Variants in CRK observed in about 807,000 individuals in gnomAD.
CRK encodes the protein CRK proto-oncogene, adaptor protein.
CRK carries 4 observed loss-of-function variants against 29.8 expected under a neutral mutation model. The ratio of observed to expected loss-of-function variants is 0.13; its 90% CI spans 0.07 to 0.31. CRK has a LOEUF of 0.31. Ranked by LOEUF, CRK falls within the 10% of genes least tolerant of loss-of-function variation. The probability of loss-of-function intolerance (pLI) is 1.00; values close to 1 mark genes in which losing one functional copy is unlikely to be tolerated. For missense variants in CRK, 274 were observed against 396.5 expected (o/e 0.69, Z 2.62); for synonymous variants, 153 against 164.9 (o/e 0.93, Z 0.55).
intron 2 of CRK, among the ~76,000 whole-genome samples, chr17:1,435,395 G>C (rs986162254): frequency 1.5e-4 from 23 of 151,122 alleles, no homozygotes; most frequent in Non-Finnish European, 1.6e-4. Context: ...TGCTAATAAA[G>C]TCTGTAATAA....
chr17:1,455,132 C>A (rs1403047115), intron 1 of CRK, among the ~76,000 whole-genome samples: 1 of 152,202 alleles, frequency 6.6e-6, no homozygotes, highest in Non-Finnish European at 1.5e-5. Context: ...CTTTCCTCCA[C>A]TAAACACTTT....
chr17:1,455,945 G>A lies in CRK; in HGVS notation c.173C>T (p.Ser58Phe), dbSNP rs1181134938. 1.2e-6 allele frequency: 2 copies of A among 1,601,684 alleles called. No individual in the cohort carries two copies. Among genetic ancestry groups the A allele is most frequent in the Non-Finnish European group, 1.7e-6 (2 of 1,175,642 alleles). The change falls in exon 1 of 3, where the codon TCC becomes TTC. Residue 58 changes from serine to phenylalanine, a missense_variant. By Grantham distance (155) the Ser-to-Phe change is radical (BLOSUM62 -2). Coordinates refer to ENST00000300574, the MANE Select transcript of CRK (RefSeq NM_016823.4). ...VLSVSENSRVSHYIINSSGPR... is the reference protein window; with the variant it reads ...VLSVSENSRVFHYIINSSGPR... Reference sequence around the variant, plus strand: ...GCCGCTGCTGTTGATGATGTAGTGGGAGACGCGCGAGTTCTCTGAGACGCT... The same window carrying A: ...GCCGCTGCTGTTGATGATGTAGTGGAAGACGCGCGAGTTCTCTGAGACGCT...
chr17:1,424,067 GTTTTTTTTTTTTT>G (rs58338503), intron 2 of CRK, among the ~76,000 whole-genome samples: 8 of 109,828 alleles, frequency 7.3e-5, no homozygotes, highest in Middle Eastern at 5.7e-3. Context: ...AGCTTTCTCC[GTTTTTTTTTTTTT>G]TTTTTTTTGA....
intron 1 of CRK, among the ~76,000 whole-genome samples, chr17:1,449,403 A>C (rs1439527729): frequency 6.6e-6 from 1 of 152,182 alleles, no homozygotes; most frequent in Non-Finnish European, 1.5e-5. Context: ...TGTTATTAAG[A>C]TTCGTATACA....
rs772172253 is a variant in CRK at position 1,436,815 on chromosome 17, G to A, written c.582C>T (p.Ser194=). ...VPYVEKYRPA[S]ASVSALIGGN... ...CTCCAATCAGAGCCGATACTGAGGC[G>A]GAGGCAGGTCTATACTTCTCGACGT... Residue 194 remains serine (S), a synonymous_variant, in exon 2 of 3, where the codon TCC becomes TCT. Transcript: ENST00000300574. 3.9e-5 allele frequency: 62 copies of A among 1,583,412 alleles called. No homozygotes were observed. The highest frequency in any genetic ancestry group is 6.7e-5 in the East Asian group (3 of 44,700).
intron 1 of CRK, among the ~76,000 whole-genome samples, chr17:1,448,639 A>G (rs2073994078): frequency 2.0e-5 from 1 of 50,916 alleles, no homozygotes; most frequent in African/African-American, 5.4e-5. Flanking sequence ...AAAAAAAAAA[A>G]AAAGAAAAAG....
chr17:1,445,016 C>T (rs1291495653), intron 1 of CRK, among the ~76,000 whole-genome samples: 6 of 151,456 alleles, frequency 4.0e-5, no homozygotes, highest in Non-Finnish European at 7.4e-5. Context: ...GGCATGGTGG[C>T]GGGCGCCTGT....
rs755346429 is a variant in CRK, at chr17:1,423,669, GA to G, written c.778-20del. On this transcript the variant is annotated intron_variant, in intron 2 of 2. Transcript: ENST00000300574. Reference sequence around the variant, plus strand: ...CACCGACCTGCAGGAGGAGAATAAGGAGAGCACTTTATTTCCAGGTAGGAAT... The same window carrying G: ...CACCGACCTGCAGGAGGAGAATAAGGGAGCACTTTATTTCCAGGTAGGAAT... The G allele has an allele frequency of 1.2e-6, 2 of 1,612,822 alleles. No homozygotes were observed. The highest frequency in any genetic ancestry group is 1.7e-6 in the Non-Finnish European group (2 of 1,179,256).
chr17:1,425,706 G>C (rs2073772470), intron 2 of CRK, among the ~76,000 whole-genome samples: 1 of 152,220 alleles, frequency 6.6e-6, no homozygotes, highest in Non-Finnish European at 1.5e-5. Flanking sequence ...CAGCCGCAGG[G>C]CCTCTTCCAG....
At position 1,421,752 on chromosome 17, in the gene CRK, T is replaced by G. The variant is rs1237675283; in HGVS notation, c.*1761A>C. The G allele has an allele frequency of 1.3e-5, 2 of 152,190 alleles. No individual in the cohort carries two copies. The highest frequency in any genetic ancestry group is 2.4e-5 in the African/African-American group (1 of 41,456). The allele number at this position is 152,190 out of a possible 1,614,324, so 9.4% of individuals were successfully genotyped here. ...GTCACTCGGACACCACAATCTGGTA[T>G]AGGTTCAAAGAATGTAAATTTATCA... On this transcript the variant is annotated 3_prime_UTR_variant, in exon 3 of 3. Transcript: ENST00000300574.
chr17:1,453,934 C>A (rs1372908571), intron 1 of CRK, among the ~76,000 whole-genome samples: 1 of 151,814 alleles, frequency 6.6e-6, no homozygotes, highest in Non-Finnish European at 1.5e-5. Context: ...GGTGCGGTGG[C>A]CCACGCCTGT....
chr17:1,428,119 T>G (rs1178572446), intron 2 of CRK, among the ~76,000 whole-genome samples: 1 of 97,038 alleles, frequency 1.0e-5, no homozygotes, highest in African/African-American at 5.1e-5. Flanking sequence ...TCTTTCAGAC[T>G]TTTTTTTTTT....
At position 1,423,284 on chromosome 17, in the gene CRK, C is replaced by T. The variant is rs866943333; in HGVS notation, c.*229G>A. 24 of 583,414 alleles carry T rather than the reference C, an allele frequency of 4.1e-5. No homozygotes were observed. Among genetic ancestry groups the T allele is most frequent in the Admixed American group, 6.5e-5 (2 of 30,666 alleles). 36.1% of individuals were successfully genotyped at this position (583,414 alleles called of 1,614,324 possible). ...TGATACACACAGGCACGACCACTAC[C>T]GCCTCCAATTGCCAATTCAGAAGCT... On this transcript the variant is annotated 3_prime_UTR_variant, in exon 3 of 3. Coordinates refer to ENST00000300574, the MANE Select transcript of CRK (RefSeq NM_016823.4).
chr17:1,426,700 C>A (rs1175352438), intron 2 of CRK, among the ~76,000 whole-genome samples: 1 of 151,942 alleles, frequency 6.6e-6, no homozygotes, highest in African/African-American at 2.4e-5. Flanking sequence ...CCCGTCTCTA[C>A]TAAAATACAA....
chr17:1,450,156 G>C (rs1172198742), intron 1 of CRK, among the ~76,000 whole-genome samples: 2 of 152,106 alleles, frequency 1.3e-5, no homozygotes, highest in East Asian at 3.9e-4. Context: ...AGTGAGCTGA[G>C]ATCGTCCCAC....
In CRK at chr17:1,453,677, TG is replaced by T. The variant is rs1458344488; in HGVS notation, c.241+2199del. Among the ~76,000 whole-genome samples, 4 of 149,054 alleles carry T rather than the reference TG, an allele frequency of 2.7e-5. No homozygotes were observed. In the East Asian group the frequency reaches 6.0e-4, roughly 22 times the overall value. ...ATCCCAACACTTTGGGAGTCTGAGGTGGGCAGATCACCTGAGGTCAGGAGTT... is the reference window on the plus strand; with the variant it reads ...ATCCCAACACTTTGGGAGTCTGAGGTGGCAGATCACCTGAGGTCAGGAGTT... On this transcript the variant is annotated intron_variant, in intron 1 of 2. Coordinates refer to ENST00000300574, the MANE Select transcript of CRK (RefSeq NM_016823.4).
At chr17:1,448,298 G>A (rs1271758775) in intron 1 of CRK, among the ~76,000 whole-genome samples, 1 of 152,000 alleles carries the variant, frequency 6.6e-6, no homozygotes, top group African/African-American at 2.4e-5. Flanking sequence ...CTGCAAAATG[G>A]GGTCAAATAC....
At chr17:1,432,320 C>G (rs1568011715) in intron 2 of CRK, among the ~76,000 whole-genome samples, 1 of 151,438 alleles carries the variant, frequency 6.6e-6, no homozygotes, top group Non-Finnish European at 1.5e-5. Context: ...GAAATCCCAT[C>G]TCTACTAAAA....
At chr17:1,446,475 G>A (rs769122055) in intron 1 of CRK, among the ~76,000 whole-genome samples, 7 of 152,074 alleles carry the variant, frequency 4.6e-5, no homozygotes, top group African/African-American at 9.7e-5. Context: ...AAGCCAAGTC[G>A]CTCTGAAAGA....
Sources: allele counts gnomAD v4.1 joint callset (sites outside exome capture counted in the v4.1 genomes callset), GRCh38; gene constraint gnomAD v4.1.1; transcripts MANE v1.5; gene names NCBI Gene and HGNC (gene_info 2026-07-23, HGNC 2026-07-21).